Variants in OSMR observed in about 807,000 individuals in gnomAD.
OSMR encodes oncostatin M receptor.
A neutral mutation model predicts 99.9 loss-of-function variants in OSMR; 81 were observed. The observed-to-expected ratio is 0.81, with a 90% CI of 0.68 to 0.97. OSMR has a LOEUF of 0.97. Among genes scored for constraint, OSMR ranks in the 50% least tolerant of loss-of-function variants. The pLI is 0.00. For synonymous variants in OSMR, 406 were observed against 410.4 expected, an observed-to-expected ratio of 0.99 and a Z score of 0.13; for missense variants, 1,099 against 1,153.4, an observed-to-expected ratio of 0.95 and a Z score of 0.68.
At chr5:38,852,844 C>A (rs1740517646) in intron 1 of OSMR, among the ~76,000 whole-genome samples, 1 of 146,220 alleles carries the variant, frequency 6.8e-6, no homozygotes, top group South Asian at 2.2e-4. Flanking sequence ...CATTCTCCTG[C>A]CTCAGCCTCC....
In OSMR at chr5:38,944,459, T is replaced by C. The variant is rs1402092115; in HGVS notation, c.*86+140T>C. On this transcript the variant is annotated intron_variant and NMD_transcript_variant, in intron 2 of 2. Coordinates refer to the OSMR transcript ENST00000508882. ...TAGTTTACTCACGTTAAAAGCCCAG[T>C]CTCATGACATTTAGTTGAAACTGAA... 5 of 1,605,190 alleles carry C rather than the reference T, an allele frequency of 3.1e-6. No individual in the cohort carries two copies. In the Admixed American group the frequency reaches 6.9e-5, roughly 22 times the overall value.
At chr5:38,914,849 G>A (rs1579778994) in intron 9 of OSMR, among the ~76,000 whole-genome samples, 2 of 152,254 alleles carry the variant, frequency 1.3e-5, no homozygotes, top group Admixed American at 1.3e-4. Flanking sequence ...AAGGAAGGGA[G>A]GGGGCAAGCG....
chr5:38,874,180 C>T (rs1742623272), intron 2 of OSMR, among the ~76,000 whole-genome samples: 1 of 152,052 alleles, frequency 6.6e-6, no homozygotes, highest in Non-Finnish European at 1.5e-5. Context: ...GTTGTCTTTT[C>T]ACTTTTTTGT....
At chr5:38,878,777 T>A (rs536458583) in intron 3 of OSMR, among the ~76,000 whole-genome samples, 1 of 152,270 alleles carries the variant, frequency 6.6e-6, no homozygotes, top group South Asian at 2.1e-4. Context: ...ATCAATGAAT[T>A]GCAGTACTTA....
At chr5:38,923,055 C>T (rs549482997) in intron 12 of OSMR, 95 bp from the exon 13 acceptor site, 15 of 1,491,348 alleles carry the variant, frequency 1.0e-5, no homozygotes, top group East Asian at 9.7e-5. Context: ...GGATTTCAGG[C>T]GTGAGCCAAC....
chr5:38,912,510 A>G (rs1745649950), intron 9 of OSMR, among the ~76,000 whole-genome samples: 1 of 152,228 alleles, frequency 6.6e-6, no homozygotes, highest in Non-Finnish European at 1.5e-5. Context: ...AAAGCAATTT[A>G]CAGATTCAAT....
chr5:38,876,996 A>G (rs1168419127), intron 3 of OSMR, among the ~76,000 whole-genome samples: 2 of 152,214 alleles, frequency 1.3e-5, no homozygotes, highest in Non-Finnish European at 2.9e-5. Context: ...CACTTAGTTC[A>G]AATGATTATT....
At chr5:38,877,929 T>C (rs902367173) in intron 3 of OSMR, among the ~76,000 whole-genome samples, 1 of 152,324 alleles carries the variant, frequency 6.6e-6, no homozygotes, top group Admixed American at 6.5e-5. Context: ...AAGCAGCTAG[T>C]GTGGACTATT....
At chr5:38,937,224 G>A (rs909544223), downstream of OSMR, among the ~76,000 whole-genome samples, 3 of 151,998 alleles carry the variant, frequency 2.0e-5, no homozygotes, top group African/African-American at 7.2e-5. The surrounding 1 kb of genome is among the most constrained non-coding windows in gnomAD (Gnocchi z 4.0). Flanking sequence ...TAGTAGAGAC[G>A]GGGTTTCACT....
chr5:38,890,114 C>T lies in OSMR; in HGVS notation c.991+3924C>T, dbSNP rs148521390. 2.0e-3 allele frequency among the ~76,000 whole-genome samples: 301 copies of T among 152,140 alleles called. 1 individual carries two copies. The highest frequency in any genetic ancestry group is 6.9e-3 in the African/African-American group (286 of 41,506). On this transcript the variant is annotated intron_variant, in intron 7 of 17. Coordinates refer to ENST00000274276, the MANE Select transcript of OSMR (RefSeq NM_003999.3). ...ATTTTTAACAAAAATTCACTGTGGTCGTAGAAGGTGTCTATGTGATACGTG... is the reference window on the plus strand; with the variant it reads ...ATTTTTAACAAAAATTCACTGTGGTTGTAGAAGGTGTCTATGTGATACGTG...
At chr5:38,913,830 C>A (rs1561397154) in intron 9 of OSMR, among the ~76,000 whole-genome samples, 1 of 152,278 alleles carries the variant, frequency 6.6e-6, no homozygotes, top group Admixed American at 6.5e-5. Flanking sequence ...AATGTTCTTA[C>A]AAGAACGTTT....
At chr5:38,931,717 G>T (rs1746760509) in intron 15 of OSMR, 166 bp from the exon 16 acceptor site, 1 of 969,878 alleles carries the variant, frequency 1.0e-6, no homozygotes. Context: ...CTAGTTGGTT[G>T]GTTGGCTTTT....
In OSMR at chr5:38,886,060, T is replaced by A; in HGVS notation, c.861T>A (p.Leu287=). 1 of 1,613,714 alleles carries A rather than the reference T, an allele frequency of 6.2e-7. No homozygotes were observed. ...LFESFSGEKK[L]CTHKNWCNWQ... ...AAAGATTTTCTGGGGAAAAGAAACT[T>A]TGTACACACAAAAACTGGTGTAATT... The change falls in exon 7 of 18, where the codon CTT becomes CTA. Residue 287 remains leucine (L), a synonymous_variant. Transcript: ENST00000274276.
At chr5:38,882,242 G>A (rs938471681) in intron 4 of OSMR, among the ~76,000 whole-genome samples, 1 of 152,152 alleles carries the variant, frequency 6.6e-6, no homozygotes, top group African/African-American at 2.4e-5. Flanking sequence ...CATAGATAGT[G>A]TGTAAACCAA....
At chr5:38,863,852 T>A (rs919796970) in intron 1 of OSMR, among the ~76,000 whole-genome samples, 2 of 152,216 alleles carry the variant, frequency 1.3e-5, no homozygotes, top group African/African-American at 4.8e-5. Flanking sequence ...TGGTGTTGGG[T>A]TCACATATAT....
At chr5:38,864,632 TG>T (rs1192955436) in intron 1 of OSMR, among the ~76,000 whole-genome samples, 2 of 151,958 alleles carry the variant, frequency 1.3e-5, no homozygotes, top group African/African-American at 2.4e-5. Context: ...GTTAGTCTGA[TG>T]GGGGTTTCCT....
At chr5:38,862,413 C>CG (rs57078094) in intron 1 of OSMR, among the ~76,000 whole-genome samples, 121,301 of 121,922 alleles carry the variant, frequency 0.99, 60,349 homozygotes, top group Admixed American at 1. Flanking sequence ...GCTGGCCGGG[C>CG]GGGGGCTGAC....
chr5:38,918,636 A>T (rs756665490), intron 10 of OSMR: 206 of 602,262 alleles, frequency 3.4e-4, no homozygotes, highest in Non-Finnish European at 3.9e-4. Context: ...TCTCCAAATG[A>T]TCCTCTTCTC....
At chr5:38,925,026 C>T in intron 14 of OSMR, 178 bp from the exon 15 acceptor site, 1 of 968,390 alleles carries the variant, frequency 1.0e-6, no homozygotes, top group South Asian at 4.8e-5. Context: ...ATCTCCTGAC[C>T]ATTTTACCTG....
Sources: allele counts gnomAD v4.1 joint callset (sites outside exome capture counted in the v4.1 genomes callset), GRCh38; gene constraint gnomAD v4.1.1; non-coding constraint Gnocchi (gnomAD v3.1); transcripts MANE v1.5; gene names NCBI Gene and HGNC (gene_info 2026-07-23, HGNC 2026-07-21).